Variants in PRELID2 observed in about 807,000 individuals in gnomAD.
The protein encoded by PRELID2 is PRELI domain-containing protein 2.
In PRELID2, 25 loss-of-function variants were observed where a neutral mutation model predicts 28.4. The ratio of observed to expected loss-of-function variants is 0.88; its 90% CI spans 0.64 to 1.23. The LOEUF (loss-of-function observed/expected upper bound fraction) is 1.23. Ranked by LOEUF, PRELID2 falls within the 50% of genes most tolerant of loss-of-function variation. PRELID2 has a pLI of 0.00. For missense variants in PRELID2, 201 were observed against 214.4 expected (o/e 0.94, Z 0.39); for synonymous variants, 76 against 71.6 (o/e 1.06, Z -0.31).
chr5:145,719,984 C>T (rs899194022), intron 1 of PRELID2, among the ~76,000 whole-genome samples: 1 of 151,356 alleles, frequency 6.6e-6, no homozygotes, highest in Admixed American at 6.6e-5. Flanking sequence ...AATTAAATTA[C>T]AAATTACCCA....
chr5:145,823,814 A>G (rs995062562), intron 1 of PRELID2, among the ~76,000 whole-genome samples: 3 of 152,222 alleles, frequency 2.0e-5, no homozygotes, highest in Admixed American at 2.0e-4. Context: ...GACAAGGTTG[A>G]TAATAGCCAC....
chr5:145,775,174 A>T (rs192727075), intron 5 of PRELID2, among the ~76,000 whole-genome samples: 1 of 151,962 alleles, frequency 6.6e-6, no homozygotes, highest in East Asian at 1.9e-4. Flanking sequence ...TGGGAGGTGG[A>T]GGTTGCAGTG....
intron 1 of PRELID2, among the ~76,000 whole-genome samples, chr5:145,705,256 T>G (rs1464608469): frequency 6.6e-6 from 1 of 151,724 alleles, no homozygotes; most frequent in Non-Finnish European, 1.5e-5. Context: ...AATGGTGCAA[T>G]CTCAGCTCAC....
At chr5:145,570,435 A>G (rs1359209555) in intron 1 of PRELID2, among the ~76,000 whole-genome samples, 1 of 152,208 alleles carries the variant, frequency 6.6e-6, no homozygotes, top group Non-Finnish European at 1.5e-5. Flanking sequence ...AAAAATTTGC[A>G]GGAGTAGTTT....
downstream of PRELID2, among the ~76,000 whole-genome samples, chr5:145,752,903 A>G (rs953917295): frequency 2.0e-5 from 3 of 152,256 alleles, no homozygotes; most frequent in African/African-American, 7.2e-5. Context: ...CACAAATGAA[A>G]GAAGGGGCTT....
the PRELID2 span, among the ~76,000 whole-genome samples, chr5:145,396,955 A>C: frequency 6.6e-6 from 1 of 152,196 alleles, no homozygotes; most frequent in East Asian, 1.9e-4. Flanking sequence ...AAGGCTACAT[A>C]AGTAAATACA....
intron 1 of PRELID2, among the ~76,000 whole-genome samples, chr5:145,542,530 T>C (rs1311896470): frequency 6.6e-6 from 1 of 152,094 alleles, no homozygotes; most frequent in East Asian, 1.9e-4. Context: ...AAAAAATAGT[T>C]CTTTAATCTC....
chr5:145,794,073 A>G (rs1156784606), intron 5 of PRELID2, among the ~76,000 whole-genome samples: 1 of 152,186 alleles, frequency 6.6e-6, no homozygotes, highest in Non-Finnish European at 1.5e-5. Context: ...AAGCTATTTT[A>G]TTATTAGTGA....
chr5:145,781,905 T>C (rs1341398718), intron 5 of PRELID2, among the ~76,000 whole-genome samples: 2 of 151,934 alleles, frequency 1.3e-5, no homozygotes, highest in East Asian at 1.9e-4. Context: ...TGAAGATTTA[T>C]AGTGGCCACA....
intron 1 of PRELID2, among the ~76,000 whole-genome samples, chr5:145,643,467 A>C (rs183847525): frequency 8.6e-4 from 131 of 152,290 alleles, no homozygotes; most frequent in Non-Finnish European, 9.7e-4. Context: ...AACATAGATA[A>C]TTTGACTTCC....
chr5:145,290,901 T>C, the PRELID2 span, among the ~76,000 whole-genome samples: 133 of 152,090 alleles, frequency 8.7e-4, no homozygotes, highest in African/African-American at 2.9e-3. Flanking sequence ...ACTTTTAATA[T>C]AATCCATGCT....
intron 1 of PRELID2, among the ~76,000 whole-genome samples, chr5:145,572,303 G>A (rs1289455333): frequency 1.3e-5 from 2 of 152,160 alleles, no homozygotes; most frequent in Non-Finnish European, 2.9e-5. Context: ...CCTGTACTCT[G>A]ATGACCTTGG....
chr5:145,411,000 C>T, the PRELID2 span, among the ~76,000 whole-genome samples: 2 of 151,852 alleles, frequency 1.3e-5, no homozygotes, highest in African/African-American at 4.8e-5. Context: ...ACACCCATTC[C>T]AAATGGGAGA....
chr5:145,519,683 A>T (rs2126648707), intron 1 of PRELID2, among the ~76,000 whole-genome samples: 1 of 152,216 alleles, frequency 6.6e-6, no homozygotes, highest in South Asian at 2.1e-4. Flanking sequence ...GAAATGTACT[A>T]TTCTTAAGGA....
intron 1 of PRELID2, among the ~76,000 whole-genome samples, chr5:145,740,727 T>C (rs1186439340): frequency 1.7e-5 from 2 of 118,444 alleles, no homozygotes; most frequent in African/African-American, 6.7e-5. Context: ...TATATTACAT[T>C]AAATATTATA....
At position 145,625,891 on chromosome 5, in the gene PRELID2, A is replaced by G. The variant is rs138042000; in HGVS notation, n.70+139040T>C. Among the ~76,000 whole-genome samples the G allele has an allele frequency of 6.2e-3, 945 of 152,202 alleles. 4 individuals carry two copies. Among genetic ancestry groups the G allele is most frequent in the Middle Eastern group, 0.014 (4 of 294 alleles). ...GTTGGCTCTACTTTCAAAATAACTAACTGATCTTTGACAAAGTTGGCAAAA... is the reference window on the plus strand; with the variant it reads ...GTTGGCTCTACTTTCAAAATAACTAGCTGATCTTTGACAAAGTTGGCAAAA... On this transcript the variant is annotated intron_variant and non_coding_transcript_variant, in intron 1 of 2. Coordinates refer to the PRELID2 transcript ENST00000510259.
chr5:145,417,603 C>A, the PRELID2 span, among the ~76,000 whole-genome samples: 1 of 152,138 alleles, frequency 6.6e-6, no homozygotes, highest in Non-Finnish European at 1.5e-5. Flanking sequence ...ATAGGCAAAT[C>A]AATAAATGTG....
At chr5:145,297,913 G>A in the PRELID2 span, among the ~76,000 whole-genome samples, 2 of 152,036 alleles carry the variant, frequency 1.3e-5, no homozygotes, top group Non-Finnish European at 2.9e-5. Flanking sequence ...AACTTACAAG[G>A]GATGTGAAGG....
intron 1 of PRELID2, among the ~76,000 whole-genome samples, chr5:145,483,719 T>C (rs1752187249): frequency 1.3e-5 from 2 of 152,206 alleles, no homozygotes; most frequent in African/African-American, 2.4e-5. Context: ...CAACAAGTGA[T>C]AGAGCCAGGA....
Sources: allele counts gnomAD v4.1 joint callset (sites outside exome capture counted in the v4.1 genomes callset), GRCh38; gene constraint gnomAD v4.1.1; transcripts MANE v1.5; gene names NCBI Gene and HGNC (gene_info 2026-07-23, HGNC 2026-07-21).